The following SLC44A5 variants were observed in gnomAD, a reference collection of about 807,000 sequenced individuals.
SLC44A5 encodes solute carrier family 44 member 5.
In SLC44A5, 57 loss-of-function variants were observed where a neutral mutation model predicts 101.8. The ratio of observed to expected loss-of-function variants is 0.56; its 90% confidence interval spans 0.45 to 0.70. The LOEUF (loss-of-function observed/expected upper bound fraction) is 0.70. Ranked by LOEUF, SLC44A5 falls within the 30% of genes least tolerant of loss-of-function variation. The pLI is 0.00. For missense variants in SLC44A5, 737 were observed against 853.1 expected (o/e 0.86, Z 1.70); for synonymous variants, 281 against 290.9 (o/e 0.97, Z 0.35).
At chr1:75,685,909 C>G in the SLC44A5 span, among the ~76,000 whole-genome samples, 1 of 152,184 alleles carries the variant, frequency 6.6e-6, no homozygotes, top group Non-Finnish European at 1.5e-5. Context: ...AATTGACTCA[C>G]AGTTCCACAT....
chr1:75,468,678 C>CAGCA (rs1157354858), intron 2 of SLC44A5, among the ~76,000 whole-genome samples: 1 of 151,890 alleles, frequency 6.6e-6, no homozygotes, highest in African/African-American at 2.4e-5. Context: ...CTGGGAAAGG[C>CAGCA]AGCAATGGGG....
intron 2 of SLC44A5, among the ~76,000 whole-genome samples, chr1:75,517,360 T>C (rs2101886495): frequency 6.7e-6 from 1 of 149,884 alleles, no homozygotes; most frequent in African/African-American, 2.5e-5. Context: ...CAAGGCACAA[T>C]AGATTGAAAA....
intron 1 of SLC44A5, among the ~76,000 whole-genome samples, chr1:75,579,906 T>C (rs1018577945): frequency 1.3e-5 from 2 of 151,734 alleles, no homozygotes; most frequent in Non-Finnish European, 2.9e-5. Context: ...TTCAGGAAGA[T>C]AACACAAATG....
chr1:75,535,951 G>A (rs1448669413), intron 2 of SLC44A5, among the ~76,000 whole-genome samples: 1 of 151,328 alleles, frequency 6.6e-6, no homozygotes, highest in East Asian at 2.0e-4. Context: ...GTCCATGCCT[G>A]TAATCTCAAC....
intron 2 of SLC44A5, among the ~76,000 whole-genome samples, chr1:75,450,168 G>A (rs1285229306): frequency 6.6e-6 from 1 of 152,156 alleles, no homozygotes; most frequent in Non-Finnish European, 1.5e-5. Flanking sequence ...ATAAAAGCGA[G>A]TGAAGCTCCA....
chr1:75,441,845 G>A (rs1394584240), intron 2 of SLC44A5, among the ~76,000 whole-genome samples: 1 of 152,022 alleles, frequency 6.6e-6, no homozygotes. Context: ...AGGAGATTTT[G>A]ACATGCTTTA....
At chr1:75,360,653 C>T (rs150653895) in intron 3 of SLC44A5, among the ~76,000 whole-genome samples, 33 of 152,212 alleles carry the variant, frequency 2.2e-4, no homozygotes, top group African/African-American at 7.5e-4. Flanking sequence ...TTCTCTGTCC[C>T]GTGCCATTGT....
intron 1 of SLC44A5, among the ~76,000 whole-genome samples, chr1:75,592,658 C>T (rs1028581616): frequency 2.6e-5 from 4 of 151,720 alleles, no homozygotes; most frequent in Admixed American, 1.3e-4. Flanking sequence ...CATAGAGTAA[C>T]GGAACAGAAT....
chr1:75,600,228 T>C (rs1460361700), intron 1 of SLC44A5, among the ~76,000 whole-genome samples: 2 of 152,136 alleles, frequency 1.3e-5, no homozygotes, highest in Admixed American at 6.6e-5. Flanking sequence ...AGTCAAGGAC[T>C]CTTAGCTTGT....
chr1:75,520,082 A>G (rs1670036715), intron 2 of SLC44A5, among the ~76,000 whole-genome samples: 1 of 152,270 alleles, frequency 6.6e-6, no homozygotes, highest in Non-Finnish European at 1.5e-5. Flanking sequence ...TTAAGTTTCA[A>G]TCTCTTAAGC....
intron 6 of SLC44A5, among the ~76,000 whole-genome samples, chr1:75,251,950 C>T (rs1232901035): frequency 6.6e-6 from 1 of 152,146 alleles, no homozygotes; most frequent in Non-Finnish European, 1.5e-5. Flanking sequence ...TCAATTTTCT[C>T]ATCAGTAAAA....
At chr1:75,557,415 A>G (rs1672278495) in intron 1 of SLC44A5, among the ~76,000 whole-genome samples, 1 of 152,066 alleles carries the variant, frequency 6.6e-6, no homozygotes. Context: ...TACACAGAAG[A>G]AAGGTGGGCA....
intron 3 of SLC44A5, among the ~76,000 whole-genome samples, chr1:75,386,486 G>T (rs1226260034): frequency 6.6e-6 from 1 of 152,098 alleles, no homozygotes; most frequent in African/African-American, 2.4e-5. Flanking sequence ...AAAATACCTA[G>T]GAATCCAACT....
chr1:75,364,860 G>GA (rs1212842628), intron 3 of SLC44A5, among the ~76,000 whole-genome samples: 2 of 151,914 alleles, frequency 1.3e-5, no homozygotes, highest in Non-Finnish European at 2.9e-5. Flanking sequence ...GATTTAGGAA[G>GA]CCTGCTACTG....
chr1:75,332,969 T>C (rs564123346), intron 4 of SLC44A5, among the ~76,000 whole-genome samples: 3 of 152,284 alleles, frequency 2.0e-5, no homozygotes, highest in African/African-American at 7.2e-5. Flanking sequence ...AATTAATTGG[T>C]ATGCTTTTTC....
intron 3 of SLC44A5, among the ~76,000 whole-genome samples, chr1:75,359,147 T>C (rs1428671696): frequency 1.3e-5 from 2 of 151,878 alleles, no homozygotes; most frequent in African/African-American, 2.4e-5. Flanking sequence ...CGGCTCCATG[T>C]TTTTGCAAAT....
chr1:75,708,095 G>A, the SLC44A5 span, among the ~76,000 whole-genome samples: 1 of 151,894 alleles, frequency 6.6e-6, no homozygotes, highest in Non-Finnish European at 1.5e-5. Context: ...AATATTTCTA[G>A]AGATTATATC....
At chr1:75,586,226 G>T (rs1336497217) in intron 1 of SLC44A5, among the ~76,000 whole-genome samples, 1 of 151,962 alleles carries the variant, frequency 6.6e-6, no homozygotes, top group Non-Finnish European at 1.5e-5. Flanking sequence ...TTTTGAGCTG[G>T]GATGTCAGTC....
intron 2 of SLC44A5, among the ~76,000 whole-genome samples, chr1:75,532,754 T>C (rs1375930276): frequency 6.6e-6 from 1 of 152,086 alleles, no homozygotes; most frequent in Non-Finnish European, 1.5e-5. Context: ...AACATATTGG[T>C]TGGGGCTGGG....
Sources: allele counts gnomAD v4.1 joint callset (sites outside exome capture counted in the v4.1 genomes callset), GRCh38; gene constraint gnomAD v4.1.1; transcripts MANE v1.5; gene names NCBI Gene and HGNC (gene_info 2026-07-23, HGNC 2026-07-21).